The following KCNQ2 variants were observed in gnomAD, a reference collection of about 807,000 sequenced individuals.
KCNQ2 encodes potassium voltage-gated channel subfamily KQT member 2.
A neutral mutation model predicts 84.8 loss-of-function variants in KCNQ2; 14 were observed. That is an observed-to-expected ratio of 0.17 (90% CI 0.11 to 0.26). The LOEUF is 0.26. Ranked by LOEUF, KCNQ2 falls within the 10% of genes least tolerant of loss-of-function variation. The pLI is 1.00. For missense variants in KCNQ2, 788 were observed against 1,254.0 expected, an observed-to-expected ratio of 0.63 and a Z score of 5.61; for synonymous variants, 599 against 554.1, an observed-to-expected ratio of 1.08 and a Z score of -1.14.
intron 9 of KCNQ2, among the ~76,000 whole-genome samples, chr20:63,429,956 C>T (rs2080744741): frequency 1.3e-5 from 2 of 152,346 alleles, no homozygotes; most frequent in South Asian, 2.1e-4. Context: ...CTGTCCAAGT[C>T]GGGATGGAGC....
In KCNQ2 at chr20:63,407,047, AG is replaced by A; in HGVS notation, c.2215del (p.Leu739TrpfsTer191). 6.6e-7 allele frequency: 1 copy of A among 1,520,156 alleles called. No individual in the cohort carries two copies. Among genetic ancestry groups the A allele is most frequent in the East Asian group, 2.4e-5 (1 of 40,964 alleles). 94.2% of individuals were successfully genotyped at this position (1,520,156 alleles called of 1,614,324 possible). On this transcript the variant is annotated frameshift_variant, in exon 17 of 17. Transcript: ENST00000359125. LOFTEE classifies it high-confidence loss of function. This position sits in a 1 kb window ranked among gnomAD's most constrained non-coding sequence, Gnocchi z 7.2. ...GTSPVGDHGS[L>X]VRIPPPPAHE... ...GGCAGGCGGCGGCGGGATGCGCACC[AG>A]GGAGCCGTGGTCCCCCACGGGGGAG...
At position 63,407,159 on chromosome 20, in the gene KCNQ2, A is replaced by G; in HGVS notation, c.2104T>C (p.Ser702Pro). 6.3e-7 allele frequency: 1 copy of G among 1,597,326 alleles called. No individual in the cohort carries two copies. The highest frequency in any genetic ancestry group is 8.5e-7 in the Non-Finnish European group (1 of 1,175,036). The change falls in exon 17 of 17, where the codon TCG becomes CCG. Residue 702 changes from serine to proline, a missense_variant. Ser to Pro is a moderately conservative substitution (Grantham distance 74). This residue lies in a region of KCNQ2 where 378 missense variants were observed against 434.5 expected (regional missense o/e 0.87). Transcript: ENST00000359125. This position sits in a 1 kb window ranked among gnomAD's most constrained non-coding sequence, Gnocchi z 7.2. ...ACAGGGGGCGCGGCCGGGGGCGCCG[A>G]GAAGTTCTTCTGGCCCGTGGAGCTG... Reference protein sequence around the residue: ...SSSSTGQKNFSAPPAAPPVQC... With the variant: ...SSSSTGQKNFPAPPAAPPVQC...
rs971103926 is a variant in KCNQ2 at position 63,408,977 on chromosome 20, C to T, written c.1764-441G>A. Among the ~76,000 whole-genome samples the T allele has an allele frequency of 3.3e-5, 5 of 152,246 alleles. No individual in the cohort carries two copies. The highest frequency in any genetic ancestry group is 2.6e-4 in the Admixed American group (4 of 15,290). ...TCCAGAGGATGCCCCTCCCCCTACC[C>T]GTGCCCACCCCGGAGCTTTACTCCT... On this transcript the variant is annotated intron_variant, in intron 15 of 16. Coordinates refer to ENST00000359125, the MANE Select transcript of KCNQ2 (RefSeq NM_172107.4). This position sits in a 1 kb window ranked among gnomAD's most constrained non-coding sequence, Gnocchi z 5.0.
Position 63,408,472 on chromosome 20 carries a change from C to T in KCNQ2, c.1828G>A (p.Glu610Lys), listed in dbSNP as rs1350422852. The T allele has an allele frequency of 2.5e-6, 4 of 1,607,572 alleles. No homozygotes were observed. Among genetic ancestry groups the T allele is most frequent in the East Asian group, 2.2e-5 (1 of 44,544 alleles). Residue 610 changes from glutamate (E) to lysine (K), a missense_variant, in exon 16 of 17, where the codon GAG becomes AAG. Glu to Lys is a moderately conservative substitution (Grantham distance 56). Transcript: ENST00000359125. This position sits in a 1 kb window ranked among gnomAD's most constrained non-coding sequence, Gnocchi z 5.0. ...TDKDRTKGPAEAELPEDPSMM... is the reference protein window; with the variant it reads ...TDKDRTKGPAKAELPEDPSMM... ...CTGGGGTCCTCGGGCAGCTCCGCCT[C>T]GGCCGGGCCCTTGGTGCGGTCCTTG...
In KCNQ2 at chr20:63,406,716, G is replaced by C. The variant is rs746730588; in HGVS notation, c.2547C>G (p.Cys849Trp). 6.2e-7 allele frequency: 1 copy of C among 1,603,840 alleles called. No homozygotes were observed. The change falls in exon 17 of 17, where the codon TGC becomes TGG. Residue 849 changes from cysteine (C) to tryptophan (W), a missense_variant. This residue lies in a region of KCNQ2 where 378 missense variants were observed against 434.5 expected (regional missense o/e 0.87). Coordinates refer to ENST00000359125, the MANE Select transcript of KCNQ2 (RefSeq NM_172107.4). ...SDTDSDLCTPCGPPPRSATGE... is the reference protein window; with the variant it reads ...SDTDSDLCTPWGPPPRSATGE... The stretch of plus-strand genomic sequence containing the variant: ...CGGTGGCCGAGCGTGGCGGGGGCCC[G>C]CACGGGGTACAGAGGTCGGAGTCGG...
At position 63,406,525 on chromosome 20, in the gene KCNQ2, C is replaced by T. The variant is rs910857134; in HGVS notation, c.*119G>A. On this transcript the variant is annotated 3_prime_UTR_variant, in exon 17 of 17. Coordinates refer to ENST00000359125, the MANE Select transcript of KCNQ2 (RefSeq NM_172107.4). The stretch of plus-strand genomic sequence containing the variant: ...AGCCCACATGGGCCCCTCCAGGGCC[C>T]ACCCTTCCCGCCACACTCAGTTACT... 3.9e-6 allele frequency: 5 copies of T among 1,267,732 alleles called. No individual in the cohort carries two copies. Among genetic ancestry groups the T allele is most frequent in the South Asian group, 1.6e-5 (1 of 63,976 alleles). The allele number at this position is 1,267,732 out of a possible 1,614,324, so 78.5% of individuals were successfully genotyped here.
intron 1 of KCNQ2, among the ~76,000 whole-genome samples, chr20:63,457,400 C>T (rs527951353): frequency 1.1e-4 from 17 of 152,362 alleles, no homozygotes; most frequent in African/African-American, 3.8e-4. Context: ...TGGACCCTGA[C>T]AGGACACAGG....
chr20:63,429,910 G>A lies in KCNQ2; in HGVS notation c.1148+1430C>T, dbSNP rs551524702. Among the ~76,000 whole-genome samples, 146 of 152,322 alleles carry A rather than the reference G, an allele frequency of 9.6e-4. 1 individual carries two copies. The highest frequency in any genetic ancestry group is 3.4e-3 in the African/African-American group (140 of 41,586). ...CCCCCAAAATGCTGGCAGGAGTGGG[G>A]CTCCTGTGAGCCCCCTCCCTGCAGA... is the stretch of plus-strand genomic sequence containing the variant. On this transcript the variant is annotated intron_variant, in intron 9 of 16. Transcript: ENST00000359125.
intron 4 of KCNQ2, chr20:63,443,611 C>T (rs1209847702): frequency 2.0e-5 from 3 of 152,272 alleles, no homozygotes; most frequent in Admixed American, 6.6e-5. Context: ...CCCTCACCAC[C>T]ATCACCACCC....
chr20:63,451,252 C>T (rs1172963674), intron 1 of KCNQ2, among the ~76,000 whole-genome samples: 1 of 152,140 alleles, frequency 6.6e-6, no homozygotes, highest in Non-Finnish European at 1.5e-5. Flanking sequence ...CCTCTGTCTT[C>T]ACCGCCGCTG....
At chr20:63,419,296 G>C (rs1489955554) in intron 12 of KCNQ2, among the ~76,000 whole-genome samples, 1 of 152,218 alleles carries the variant, frequency 6.6e-6, no homozygotes, top group Non-Finnish European at 1.5e-5. Flanking sequence ...GACAGCCCCA[G>C]GGGAAACGCT....
Position 63,462,194 on chromosome 20 carries a change from T to C in KCNQ2, c.296+9974A>G, listed in dbSNP as rs78205831. ...CCCAGGGAGCAGGGAGGAGGCTGCATCTACCCCAGGGAGCAGGGAGGAGGC... is the reference window on the plus strand; with the variant it reads ...CCCAGGGAGCAGGGAGGAGGCTGCACCTACCCCAGGGAGCAGGGAGGAGGC... On this transcript the variant is annotated intron_variant, in intron 1 of 16. Transcript: ENST00000359125. Among the ~76,000 whole-genome samples the C allele has an allele frequency of 2.2e-3, 180 of 80,080 alleles. No homozygotes were observed. The Middle Eastern group carries it at 0.042, about 19-fold the overall frequency. The allele number at this position is 80,080 out of a possible 152,430, so 52.5% of individuals were successfully genotyped here.
chr20:63,454,964 G>A (rs2081734414), intron 1 of KCNQ2, among the ~76,000 whole-genome samples: 2 of 152,232 alleles, frequency 1.3e-5, no homozygotes, highest in East Asian at 1.9e-4. Flanking sequence ...GCACTAAGCT[G>A]GGGGACACAG....
intron 1 of KCNQ2, among the ~76,000 whole-genome samples, chr20:63,452,443 A>C (rs988286903): frequency 6.6e-6 from 1 of 151,948 alleles, no homozygotes; most frequent in African/African-American, 2.4e-5. Flanking sequence ...GCCCACCCCC[A>C]CGGCAGAGGG....
In KCNQ2 at chr20:63,428,465, C is replaced by T. The variant is rs375983801; in HGVS notation, c.1149-30G>A. The T allele has an allele frequency of 2.9e-5, 45 of 1,556,046 alleles. No individual in the cohort carries two copies. The African/African-American group carries it at 4.9e-4, about 17-fold the overall frequency. ...GGCAAGAGAAGGAGAGGGGAGTGAG[C>T]GTCTCACCCTCCCGAGTCCTGGGAC... On this transcript the variant is annotated intron_variant, in intron 9 of 16. Coordinates refer to ENST00000359125, the MANE Select transcript of KCNQ2 (RefSeq NM_172107.4).
At position 63,404,549 on chromosome 20, in the gene KCNQ2, G is replaced by A. The variant is rs1013775302; in HGVS notation, c.*2095C>T. ...TGAGACGGAACTGGGGACACGGGGA[G>A]CGGTGGCCGGGGCTGGTGCTGCGTT... On this transcript the variant is annotated 3_prime_UTR_variant, in exon 17 of 17. Transcript: ENST00000359125. The A allele has an allele frequency of 6.6e-6, 1 of 152,430 alleles. No individual in the cohort carries two copies. Among genetic ancestry groups the A allele is most frequent in the African/African-American group, 2.4e-5 (1 of 41,448 alleles). The allele number at this position is 152,430 out of a possible 1,614,324, so 9.4% of individuals were successfully genotyped here.
chr20:63,419,502 T>A, intron 12 of KCNQ2, 117 bp downstream of exon 12: 1 of 1,020,790 alleles, frequency 9.8e-7, no homozygotes, highest in South Asian at 1.4e-5. Context: ...GGGCGGTGGG[T>A]CAGAATTGGG....
chr20:63,415,189 C>T, intron 12 of KCNQ2, 63 bp from the exon 13 acceptor site: 1 of 1,442,076 alleles, frequency 6.9e-7, no homozygotes, highest in Non-Finnish European at 9.5e-7. Context: ...CTGCAAAGAA[C>T]ACAGGCCGTG....
In KCNQ2 at chr20:63,403,029, G is replaced by A. The variant is rs573145280; in HGVS notation, c.*3615C>T. The A allele has an allele frequency of 3.3e-5, 5 of 152,284 alleles. No individual in the cohort carries two copies. In the East Asian group the frequency reaches 5.8e-4, roughly 18 times the overall value. 9.4% of individuals were successfully genotyped at this position (152,284 alleles called of 1,614,324 possible). On this transcript the variant is annotated 3_prime_UTR_variant, in exon 17 of 17. Coordinates refer to ENST00000359125, the MANE Select transcript of KCNQ2 (RefSeq NM_172107.4). The stretch of plus-strand genomic sequence containing the variant: ...GCTGGGGCCTGGGATTCGAGGCTGA[G>A]CCACCCATCCCAGGAGGGCCCAGCA...
Sources: allele counts gnomAD v4.1 joint callset (sites outside exome capture counted in the v4.1 genomes callset), GRCh38; gene constraint gnomAD v4.1.1; regional missense constraint gnomAD v4.1.1; non-coding constraint Gnocchi (gnomAD v3.1); transcripts MANE v1.5; gene names NCBI Gene and HGNC (gene_info 2026-07-23, HGNC 2026-07-21).